The following GUSB variants were observed in gnomAD, a reference collection of about 807,000 sequenced individuals.
GUSB encodes glucuronidase beta, also known as beta-glucuronidase.
GUSB carries 51 observed loss-of-function variants against 74.6 expected under a neutral mutation model. The observed-to-expected ratio is 0.68, with a 90% CI of 0.55 to 0.86. The LOEUF (loss-of-function observed/expected upper bound fraction) is 0.86, where lower values mean the gene tolerates loss of function less well. Ranked by LOEUF, GUSB falls within the 40% of genes least tolerant of loss-of-function variation. The probability of loss-of-function intolerance (pLI) is 0.00; values close to 1 mark genes in which losing one functional copy is unlikely to be tolerated. For synonymous variants in GUSB, 360 were observed against 348.3 expected, an observed-to-expected ratio of 1.03 and a Z score of -0.37; for missense variants, 736 against 853.7, an observed-to-expected ratio of 0.86 and a Z score of 1.72.
At chr7:65,975,959 G>A (rs1791541492) in intron 5 of GUSB, 56 bp downstream of exon 5, 1 of 1,477,998 alleles carries the variant, frequency 6.8e-7, no homozygotes. Context: ...GCTGAAGCCA[G>A]GGTCACCACA....
chr7:65,977,017 G>A (rs1583932270), intron 4 of GUSB, among the ~76,000 whole-genome samples: 1 of 151,952 alleles, frequency 6.6e-6, no homozygotes, highest in Non-Finnish European at 1.5e-5. Context: ...CCAGAGGACG[G>A]CCCAGAACGT....
rs765708408 is a variant in GUSB, at chr7:65,970,269, C to A, written c.1476+13G>T. The A allele has an allele frequency of 3.2e-6, 5 of 1,571,522 alleles. No homozygotes were observed. In the African/African-American group the frequency reaches 4.1e-5, roughly 13 times the overall value. ...AAGGCAGGGAGAAGTGGGGTGGGGA[C>A]CCCCAGGCTCACCCCCTTGTCTGCT... On this transcript the variant is annotated intron_variant, in intron 9 of 11. Coordinates refer to ENST00000304895, the MANE Select transcript of GUSB (RefSeq NM_000181.4).
intron 10 of GUSB, among the ~76,000 whole-genome samples, chr7:65,964,711 T>G (rs1341047700): frequency 6.6e-6 from 1 of 152,156 alleles, no homozygotes; most frequent in Non-Finnish European, 1.5e-5. Context: ...GACATTCGTT[T>G]CACATTACTT....
intron 4 of GUSB, among the ~76,000 whole-genome samples, chr7:65,978,100 G>A (rs568917104): frequency 9.9e-5 from 15 of 151,832 alleles, no homozygotes; most frequent in African/African-American, 2.9e-4. Flanking sequence ...ATGAGCCACC[G>A]CGCCCGCCCT....
In GUSB at chr7:65,980,280, C is replaced by A. The variant is rs778819412; in HGVS notation, c.340G>T (p.Asp114Tyr). The change falls in exon 2 of 12, where the codon GAC becomes TAC. Residue 114 changes from aspartate to tyrosine, a missense_variant. Around this residue, in one of 2 missense-constraint regions of GUSB, gnomAD observed 368 missense variants for 363.8 expected, o/e 1.01. Transcript: ENST00000304895. Reference sequence around the variant, plus strand: ...CTCAGCACCACTCTTGTGCGCAGGTCCTGGGTCCATCGCTCCGGCAGGATC... The same window carrying A: ...CTCAGCACCACTCTTGTGCGCAGGTACTGGGTCCATCGCTCCGGCAGGATC... Reference protein sequence around the residue: ...EVILPERWTQDLRTRVVLRIG... With the variant: ...EVILPERWTQYLRTRVVLRIG... The A allele has an allele frequency of 5.0e-6, 8 of 1,603,872 alleles. No homozygotes were observed. Among genetic ancestry groups the A allele is most frequent in the Non-Finnish European group, 6.0e-6 (7 of 1,174,676 alleles).
At chr7:65,980,749 G>A (rs1791955067) in intron 1 of GUSB, 2 of 394,714 alleles carry the variant, frequency 5.1e-6, no homozygotes, top group African/African-American at 2.1e-5. Flanking sequence ...GCTGGTTGGA[G>A]GAATGGGGGG....
intron 2 of GUSB, 67 bp from the exon 3 acceptor site, chr7:65,979,978 G>T: frequency 1.5e-6 from 2 of 1,321,638 alleles, no homozygotes; most frequent in Non-Finnish European, 2.1e-6. Flanking sequence ...CTACTATCGG[G>T]CACTCCCTCA....
At chr7:65,963,340 T>G (rs1214345316) in intron 11 of GUSB, among the ~76,000 whole-genome samples, 2 of 152,170 alleles carry the variant, frequency 1.3e-5, no homozygotes, top group Non-Finnish European at 2.9e-5. Flanking sequence ...ATTCTCACTC[T>G]TACGCTTTAC....
intron 4 of GUSB, among the ~76,000 whole-genome samples, chr7:65,976,947 A>G (rs1173606096): frequency 2.0e-5 from 3 of 151,922 alleles, no homozygotes; most frequent in Non-Finnish European, 4.4e-5. Flanking sequence ...AGACATGCCA[A>G]CCACGGCACT....
chr7:65,979,414 C>A lies in GUSB; in HGVS notation c.709G>T (p.Val237Leu), dbSNP rs373800055. 1 of 1,613,778 alleles carries A rather than the reference C, an allele frequency of 6.2e-7. No individual in the cohort carries two copies. Among genetic ancestry groups the A allele is most frequent in the South Asian group, 1.1e-5 (1 of 91,060 alleles). The change falls in exon 4 of 12, where the codon GTG becomes TTG. Residue 237 changes from valine to leucine, a missense_variant. Transcript: ENST00000304895. Reference sequence around the variant, plus strand: ...AAGCCCTCACCACTGTCTTGCTCCACGCTGGTGGTGACGGTGATGTCATCG... The same window carrying A: ...AAGCCCTCACCACTGTCTTGCTCCAAGCTGGTGGTGACGGTGATGTCATCG... ...YIDDITVTTSVEQDSGLVNYQ... is the reference protein window; with the variant it reads ...YIDDITVTTSLEQDSGLVNYQ...
intron 2 of GUSB, 39 bp downstream of exon 2, chr7:65,980,185 G>GGGGGGGCCCCC: frequency 1.7e-5 from 12 of 725,274 alleles, no homozygotes; most frequent in Non-Finnish European, 2.9e-5. Context: ...CAGCAGCCGT[G>GGGGGGGCCCCC]CCCCCCCACC....
intron 5 of GUSB, 147 bp downstream of exon 5, chr7:65,975,867 GA>G: frequency 4.3e-6 from 2 of 468,098 alleles, no homozygotes; most frequent in Non-Finnish European, 7.4e-6. Flanking sequence ...AAAAAAAAAA[GA>G]AAATGGGCCT....
intron 5 of GUSB, chr7:65,975,289 G>A: frequency 3.5e-6 from 2 of 575,244 alleles, no homozygotes; most frequent in Non-Finnish European, 6.2e-6. Flanking sequence ...GCTCATGCCT[G>A]GAGTTCCCAC....
chr7:65,961,107 T>C, intron 11 of GUSB, 44 bp from the exon 12 acceptor site: 1 of 1,584,414 alleles, frequency 6.3e-7, no homozygotes, highest in South Asian at 1.1e-5. Flanking sequence ...AGATGTCTTC[T>C]GATGGGTCAA....
intron 2 of GUSB, 85 bp from the exon 3 acceptor site, chr7:65,979,996 T>C: frequency 2.6e-6 from 3 of 1,176,138 alleles, no homozygotes; most frequent in Non-Finnish European, 3.6e-6. Flanking sequence ...TCACATAACC[T>C]GCAGCATGGG....
At chr7:65,967,959 A>G (rs570476045) in intron 9 of GUSB, 52 bp from the exon 10 acceptor site, 2 of 1,464,406 alleles carry the variant, frequency 1.4e-6, no homozygotes, top group Admixed American at 3.4e-5. Flanking sequence ...AGCATGACTC[A>G]GCATTCACAC....
chr7:65,961,145 G>T, intron 11 of GUSB, 82 bp from the exon 12 acceptor site: 1 of 1,313,984 alleles, frequency 7.6e-7, no homozygotes. Context: ...GCTAAGGTAG[G>T]CACTAAATAG....
chr7:65,971,113 A>C (rs1791177261), intron 8 of GUSB, among the ~76,000 whole-genome samples: 1 of 152,164 alleles, frequency 6.6e-6, no homozygotes, highest in African/African-American at 2.4e-5. Flanking sequence ...ACACTGGCAA[A>C]AATGAGGTTG....
At position 65,964,426 on chromosome 7, in the gene GUSB, C is replaced by A; in HGVS notation, c.1686G>T (p.Gln562His). ...DPPLMFTEEY[Q>H]KSLLEQYHLG... is the part of the protein sequence containing the mutation. ...GATGGTACTGCTCTAGCAGACTTTTCTGGTACTCTTCAGTGAACATCAGAG... is the reference window on the plus strand; with the variant it reads ...GATGGTACTGCTCTAGCAGACTTTTATGGTACTCTTCAGTGAACATCAGAG... Residue 562 changes from glutamine (Q) to histidine (H), a missense_variant, in exon 11 of 12, where the codon CAG (glutamine) becomes CAT (histidine). Transcript: ENST00000304895. 6.2e-7 allele frequency: 1 copy of A among 1,611,346 alleles called. No individual in the cohort carries two copies. Among genetic ancestry groups the A allele is most frequent in the Non-Finnish European group, 8.5e-7 (1 of 1,179,226 alleles).
Sources: gnomAD v4.1 joint callset for allele counts (sites outside exome capture counted in the v4.1 genomes callset) on GRCh38, gnomAD v4.1.1 for gene constraint, gnomAD v4.1.1 regional missense constraint, MANE v1.5 for transcripts, NCBI Gene and HGNC (gene_info 2026-07-23, HGNC 2026-07-21) for gene names.